Variants in TMEM132C observed in about 807,000 individuals in gnomAD.
TMEM132C encodes the protein protein phosphatase 1, regulatory subunit 152.
Under a neutral mutation model 61.4 loss-of-function variants are expected in TMEM132C, and 29 were observed. The observed-to-expected ratio is 0.47, with a 90% CI of 0.35 to 0.64. The LOEUF is 0.64. TMEM132C is among the 30% of genes least tolerant of loss of function. The probability of loss-of-function intolerance (pLI) is 0.00; values close to 1 mark genes in which losing one functional copy is unlikely to be tolerated. For synonymous variants in TMEM132C, 656 were observed against 633.1 expected (o/e 1.04, Z -0.54); for missense variants, 1,408 against 1,476.9 (o/e 0.95, Z 0.76).
At chr12:128,591,361 T>C (rs895704470) in intron 3 of TMEM132C, among the ~76,000 whole-genome samples, 2 of 152,142 alleles carry the variant, frequency 1.3e-5, no homozygotes, top group African/African-American at 2.4e-5. Context: ...AGTGGAATCA[T>C]AGTGTGTAGC....
intron 1 of TMEM132C, among the ~76,000 whole-genome samples, chr12:128,393,976 G>A (rs774973540): frequency 1.3e-5 from 2 of 152,292 alleles, no homozygotes; most frequent in South Asian, 2.1e-4. Flanking sequence ...TAAAGACGGT[G>A]TATTAGTCCG....
At chr12:128,396,525 A>G (rs1874964672) in intron 1 of TMEM132C, among the ~76,000 whole-genome samples, 1 of 152,162 alleles carries the variant, frequency 6.6e-6, no homozygotes, top group South Asian at 2.1e-4. Flanking sequence ...TACCTATATA[A>G]CAAACCTGCA....
At position 128,573,146 on chromosome 12, in the gene TMEM132C, T is replaced by A. The variant is rs528716086; in HGVS notation, c.1121+29043T>A. 3.9e-5 allele frequency among the ~76,000 whole-genome samples: 6 copies of A among 152,318 alleles called. No individual in the cohort carries two copies. The South Asian group carries it at 1.2e-3, about 32-fold the overall frequency. ...TAAATCATGCTGCTATAAAGACACA[T>A]GCACATATATGTTTATTGTGGCACT... is the stretch of plus-strand genomic sequence containing the variant. On this transcript the variant is annotated intron_variant, in intron 3 of 8. Transcript: ENST00000435159.
At chr12:128,472,727 G>T (rs778595255) in intron 2 of TMEM132C, among the ~76,000 whole-genome samples, 1 of 152,296 alleles carries the variant, frequency 6.6e-6, no homozygotes, top group Middle Eastern at 3.4e-3. Flanking sequence ...AACATCTGGG[G>T]GTCAGCTTCG....
chr12:128,345,481 C>T (rs569538121), intron 1 of TMEM132C, among the ~76,000 whole-genome samples: 7 of 152,308 alleles, frequency 4.6e-5, no homozygotes, highest in South Asian at 4.1e-4. Flanking sequence ...GGAATCGCCA[C>T]ACTGTCTTCC....
At chr12:128,309,995 C>T (rs1485526663) in intron 1 of TMEM132C, among the ~76,000 whole-genome samples, 1 of 152,212 alleles carries the variant, frequency 6.6e-6, no homozygotes. Flanking sequence ...CTTGGCCTCC[C>T]AAAGTGCTGG....
Position 128,415,172 on chromosome 12 carries a change from C to T in TMEM132C, c.526C>T (p.Arg176Ter), listed in dbSNP as rs773447246. 5 of 1,610,588 alleles carry T rather than the reference C, an allele frequency of 3.1e-6. No homozygotes were observed. The highest frequency in any genetic ancestry group is 1.6e-4 in the Middle Eastern group (1 of 6,084). The change falls in exon 2 of 9, where the codon CGA (arginine) becomes TGA (stop). Residue 176 changes from arginine to a stop codon, truncating the protein, a stop_gained. Coordinates refer to ENST00000435159, the MANE Select transcript of TMEM132C (RefSeq NM_001136103.3). LOFTEE classifies it high-confidence loss of function. The surrounding 1 kb of genome is among the most constrained non-coding windows in gnomAD (Gnocchi z 5.8). Reference sequence around the variant, plus strand: ...GCCATGCCTGAGGGTCTTTGCTTTCCGAGAAACCAGAGAGGTGCGGGGCAG... The same window carrying T: ...GCCATGCCTGAGGGTCTTTGCTTTCTGAGAAACCAGAGAGGTGCGGGGCAG... ...KLPCLRVFAFRETREVRGSCR... is the reference protein window; with the variant it reads ...KLPCLRVFAF
intron 4 of TMEM132C, among the ~76,000 whole-genome samples, chr12:128,667,645 C>T (rs1302000864): frequency 6.6e-6 from 1 of 152,222 alleles, no homozygotes; most frequent in Non-Finnish European, 1.5e-5. Flanking sequence ...TCTTTTTCCA[C>T]CTCCTGCTTC....
intron 1 of TMEM132C, among the ~76,000 whole-genome samples, chr12:128,310,026 G>A (rs142988293): frequency 0.013 from 1,974 of 152,222 alleles, 48 homozygotes; most frequent in African/African-American, 0.045. Flanking sequence ...GTGAGCCACC[G>A]CACCCAGCCT....
At chr12:128,516,125 C>T (rs1000043178) in intron 2 of TMEM132C, among the ~76,000 whole-genome samples, 1 of 152,132 alleles carries the variant, frequency 6.6e-6, no homozygotes, top group Non-Finnish European at 1.5e-5. Context: ...CGCACTGAGA[C>T]CCTTCCTCCT....
intron 2 of TMEM132C, among the ~76,000 whole-genome samples, chr12:128,440,582 C>T (rs760357992): frequency 6.6e-6 from 1 of 152,236 alleles, no homozygotes; most frequent in African/African-American, 2.4e-5. Flanking sequence ...CCAAGGAATA[C>T]ATCTTTTTAT....
chr12:128,277,544 A>G (rs73430858), intron 1 of TMEM132C, among the ~76,000 whole-genome samples: 51 of 152,328 alleles, frequency 3.3e-4, no homozygotes, highest in African/African-American at 1.2e-3. Context: ...GATGATGCAG[A>G]TCTTGGGCAC....
chr12:128,362,597 T>A (rs1873740974), intron 1 of TMEM132C, among the ~76,000 whole-genome samples: 3 of 152,212 alleles, frequency 2.0e-5, no homozygotes, highest in Admixed American at 2.0e-4. Flanking sequence ...TTTCACATTT[T>A]GGAATATCTG....
intron 2 of TMEM132C, among the ~76,000 whole-genome samples, chr12:128,423,331 G>A (rs1007463448): frequency 6.6e-6 from 1 of 152,036 alleles, no homozygotes; most frequent in African/African-American, 2.4e-5. Context: ...GGTGGATGAG[G>A]CCCAGTCATT....
chr12:128,559,966 G>A (rs1420699091), intron 3 of TMEM132C, among the ~76,000 whole-genome samples: 1 of 152,188 alleles, frequency 6.6e-6, no homozygotes, highest in Non-Finnish European at 1.5e-5. Flanking sequence ...ACATAAATCA[G>A]GCTGGGCATG....
chr12:128,449,772 T>G (rs544281386), intron 2 of TMEM132C, among the ~76,000 whole-genome samples: 1 of 152,134 alleles, frequency 6.6e-6, no homozygotes, highest in Non-Finnish European at 1.5e-5. Context: ...AGCTATGCAG[T>G]GATTAAAGTA....
chr12:128,637,082 C>T (rs1237428234), intron 4 of TMEM132C, among the ~76,000 whole-genome samples: 1 of 152,172 alleles, frequency 6.6e-6, no homozygotes, highest in Non-Finnish European at 1.5e-5. Flanking sequence ...GTGCAGATAA[C>T]TCTTCTACAT....
At chr12:128,494,642 T>C (rs930357841) in intron 2 of TMEM132C, among the ~76,000 whole-genome samples, 1 of 152,214 alleles carries the variant, frequency 6.6e-6, no homozygotes, top group African/African-American at 2.4e-5. Context: ...TGTGGAGCTA[T>C]TGATAATATT....
chr12:128,275,889 G>T (rs1350748252), intron 1 of TMEM132C, among the ~76,000 whole-genome samples: 1 of 152,132 alleles, frequency 6.6e-6, no homozygotes, highest in African/African-American at 2.4e-5. Context: ...ACTGTGCTGA[G>T]CCCCCAGGGG....
Sources: allele counts gnomAD v4.1 joint callset (sites outside exome capture counted in the v4.1 genomes callset), GRCh38; gene constraint gnomAD v4.1.1; non-coding constraint Gnocchi (gnomAD v3.1); transcripts MANE v1.5; gene names NCBI Gene and HGNC (gene_info 2026-07-23, HGNC 2026-07-21).